LINGO2: variants seen among roughly 807,000 people sequenced by gnomAD.
LINGO2 encodes the protein leucine-rich repeat and immunoglobulin-like domain-containing nogo receptor-interacting protein 2.
In LINGO2, 14 loss-of-function variants were observed where a neutral mutation model predicts 30.6. The ratio of observed to expected loss-of-function variants is 0.46; its 90% CI spans 0.30 to 0.72. LINGO2 has a LOEUF of 0.72. Ranked by LOEUF, LINGO2 falls within the 30% of genes least tolerant of loss-of-function variation. The pLI is 0.07. For missense variants in LINGO2, 729 were observed against 751.7 expected, an observed-to-expected ratio of 0.97 and a Z score of 0.35; for synonymous variants, 317 against 288.5, an observed-to-expected ratio of 1.10 and a Z score of -1.00.
chr9:27,985,711 G>A (rs1309032627), intron 5 of LINGO2, among the ~76,000 whole-genome samples: 1 of 150,472 alleles, frequency 6.6e-6, no homozygotes, highest in Non-Finnish European at 1.5e-5. Flanking sequence ...CTGGCTGAGA[G>A]AAAAAGGTAG....
chr9:28,847,711 T>C, the LINGO2 span, among the ~76,000 whole-genome samples: 1 of 140,192 alleles, frequency 7.1e-6, no homozygotes, highest in African/African-American at 2.7e-5. Flanking sequence ...CACACTGTTA[T>C]TTCCCTAATA....
At chr9:29,138,061 T>C in the LINGO2 span, among the ~76,000 whole-genome samples, 1 of 151,990 alleles carries the variant, frequency 6.6e-6, no homozygotes, top group Non-Finnish European at 1.5e-5. Context: ...TCTACTTCTA[T>C]AGTTTGCTTA....
the LINGO2 span, among the ~76,000 whole-genome samples, chr9:29,152,147 TA>T: frequency 6.6e-6 from 1 of 152,156 alleles, no homozygotes; most frequent in South Asian, 2.1e-4. Context: ...TGGCTATTAT[TA>T]AAAAGCAAAA....
At chr9:29,016,768 A>G in the LINGO2 span, among the ~76,000 whole-genome samples, 11 of 152,218 alleles carry the variant, frequency 7.2e-5, no homozygotes, top group African/African-American at 2.7e-4. Context: ...AATGTAAATG[A>G]AATGCTTCTT....
chr9:28,205,691 G>A (rs1016687209), intron 4 of LINGO2, among the ~76,000 whole-genome samples: 4 of 152,002 alleles, frequency 2.6e-5, no homozygotes, highest in Admixed American at 6.6e-5. Context: ...CATTCATTTC[G>A]GTGACAGAAA....
intron 3 of LINGO2, among the ~76,000 whole-genome samples, chr9:28,349,255 A>T (rs1807924350): frequency 6.6e-6 from 1 of 150,458 alleles, no homozygotes; most frequent in Non-Finnish European, 1.5e-5. Flanking sequence ...CTTTGAAAAA[A>T]ATTTAGAAGA....
At chr9:28,004,221 C>T (rs1247217133) in intron 5 of LINGO2, among the ~76,000 whole-genome samples, 1 of 151,550 alleles carries the variant, frequency 6.6e-6, no homozygotes, top group Non-Finnish European at 1.5e-5. Context: ...AATCATTTCC[C>T]ATGATAAGTT....
At chr9:28,814,783 T>C in the LINGO2 span, among the ~76,000 whole-genome samples, 4 of 150,326 alleles carry the variant, frequency 2.7e-5, no homozygotes, top group South Asian at 8.7e-4. Flanking sequence ...AGCTACTCTC[T>C]CCCTCTCTCT....
At chr9:29,091,794 A>T in the LINGO2 span, among the ~76,000 whole-genome samples, 1 of 152,060 alleles carries the variant, frequency 6.6e-6, no homozygotes, top group Non-Finnish European at 1.5e-5. Flanking sequence ...TTAAGTAACC[A>T]CTTAGGTTAC....
the LINGO2 span, among the ~76,000 whole-genome samples, chr9:28,856,901 G>A: frequency 6.6e-6 from 1 of 152,008 alleles, no homozygotes; most frequent in Admixed American, 6.6e-5. Context: ...TTTAAGATAT[G>A]TAGTAAAAAT....
the LINGO2 span, among the ~76,000 whole-genome samples, chr9:28,857,706 A>G: frequency 6.6e-6 from 1 of 152,186 alleles, no homozygotes; most frequent in South Asian, 2.1e-4. Context: ...GTTAGTCCAA[A>G]CCGAGATATG....
the LINGO2 span, among the ~76,000 whole-genome samples, chr9:28,841,333 G>A: frequency 7.9e-5 from 12 of 151,812 alleles, 1 homozygote; most frequent in South Asian, 2.1e-3. Context: ...ATTGGCACCT[G>A]ATTTAACAGT....
chr9:28,606,863 A>T (rs1239978303), intron 1 of LINGO2, among the ~76,000 whole-genome samples: 1 of 152,060 alleles, frequency 6.6e-6, no homozygotes, highest in Non-Finnish European at 1.5e-5. Context: ...TATTTTTATC[A>T]AATTGTACAA....
At chr9:28,790,325 C>CTTTTTTTTTTTTTTTTTTT in the LINGO2 span, among the ~76,000 whole-genome samples, 54 of 106,266 alleles carry the variant, frequency 5.1e-4, 4 homozygotes, top group African/African-American at 1.5e-3. Flanking sequence ...TCTTTTCTTT[C>CTTTTTTTTTTTTTTTTTTT]TTTTTTTTTT....
chr9:28,511,435 T>G (rs1295529205), intron 1 of LINGO2, among the ~76,000 whole-genome samples: 1 of 152,098 alleles, frequency 6.6e-6, no homozygotes, highest in Non-Finnish European at 1.5e-5. Flanking sequence ...GGTGAGTACA[T>G]GTTGCTGAAC....
At chr9:28,689,189 T>C in the LINGO2 span, among the ~76,000 whole-genome samples, 1 of 152,126 alleles carries the variant, frequency 6.6e-6, no homozygotes, top group Non-Finnish European at 1.5e-5. Context: ...GTAAAGTGTT[T>C]AGGAAATGTG....
intron 5 of LINGO2, among the ~76,000 whole-genome samples, chr9:27,991,889 A>G (rs1161207035): frequency 1.3e-5 from 2 of 152,012 alleles, no homozygotes; most frequent in Non-Finnish European, 2.9e-5. Flanking sequence ...GCTGCCTTCC[A>G]TTTTTTAAAA....
intron 3 of LINGO2, among the ~76,000 whole-genome samples, chr9:28,325,813 T>C (rs1234699494): frequency 1.3e-5 from 2 of 152,116 alleles, no homozygotes; most frequent in Admixed American, 6.6e-5. Flanking sequence ...CTAATCACAT[T>C]GATTAAACTC....
At chr9:28,477,617 GGCTAATTATAGCTAATACCCA>G (rs1244965953) in intron 1 of LINGO2, among the ~76,000 whole-genome samples, 2 of 152,034 alleles carry the variant, frequency 1.3e-5, no homozygotes, top group African/African-American at 4.8e-5. Context: ...TGATTTTACA[GGCTAATTATAGCTAATACCCA>G]TATAATTCAC....
Sources: allele counts gnomAD v4.1 joint callset (sites outside exome capture counted in the v4.1 genomes callset), GRCh38; gene constraint gnomAD v4.1.1; transcripts MANE v1.5; gene names NCBI Gene and HGNC (gene_info 2026-07-23, HGNC 2026-07-21).